SYN3: variants seen among roughly 807,000 people sequenced by gnomAD.
SYN3 encodes synapsin-3.
A neutral mutation model predicts 65.8 loss-of-function variants in SYN3; 35 were observed. That is an observed-to-expected ratio of 0.53 (90% confidence interval 0.41 to 0.70). The LOEUF is 0.70. SYN3 is among the 30% of genes least tolerant of loss of function. The pLI is 0.00. For missense variants in SYN3, 680 were observed against 749.0 expected, an observed-to-expected ratio of 0.91 and a Z score of 1.08; for synonymous variants, 270 against 292.9, an observed-to-expected ratio of 0.92 and a Z score of 0.80.
chr22:32,595,631 T>C (rs2059187999), intron 7 of SYN3, among the ~76,000 whole-genome samples: 1 of 152,162 alleles, frequency 6.6e-6, no homozygotes, highest in African/African-American at 2.4e-5. Context: ...ATGGTTTGCA[T>C]TTGGGTCCCC....
At chr22:32,739,996 C>G (rs963256457) in intron 6 of SYN3, among the ~76,000 whole-genome samples, 6 of 152,190 alleles carry the variant, frequency 3.9e-5, no homozygotes, top group African/African-American at 1.4e-4. Flanking sequence ...GATGCTAAAT[C>G]CCTGGAATTG....
At chr22:32,564,080 G>A (rs978653563) in intron 7 of SYN3, among the ~76,000 whole-genome samples, 7 of 152,224 alleles carry the variant, frequency 4.6e-5, no homozygotes, top group African/African-American at 2.4e-5. Flanking sequence ...GGCAGTGATT[G>A]TTGCAGTTTA....
intron 10 of SYN3, 86 bp from the exon 11 acceptor site, chr22:32,529,094 G>T: frequency 6.4e-7 from 1 of 1,559,212 alleles, no homozygotes; most frequent in Non-Finnish European, 8.8e-7. Flanking sequence ...GGGGCTCAGG[G>T]CTCAGGACAG....
At chr22:32,792,409 A>G (rs1049757103) in intron 6 of SYN3, among the ~76,000 whole-genome samples, 1 of 152,152 alleles carries the variant, frequency 6.6e-6, no homozygotes, top group Non-Finnish European at 1.5e-5. Context: ...TCACACAGCT[A>G]TTTTATGTGG....
At chr22:32,699,061 T>C (rs2060776158) in intron 6 of SYN3, among the ~76,000 whole-genome samples, 1 of 152,218 alleles carries the variant, frequency 6.6e-6, no homozygotes, top group Non-Finnish European at 1.5e-5. Flanking sequence ...ACATTCAGCC[T>C]TGGCGCTAGA....
intron 6 of SYN3, among the ~76,000 whole-genome samples, chr22:32,676,528 C>A (rs28562404): frequency 1.1e-5 from 1 of 88,912 alleles, no homozygotes; most frequent in Non-Finnish European, 2.0e-5. Context: ...TCTTTTCTTT[C>A]TTTTTTTTTT....
chr22:32,770,529 G>A (rs1008846503), intron 6 of SYN3, among the ~76,000 whole-genome samples: 4 of 152,014 alleles, frequency 2.6e-5, no homozygotes, highest in Non-Finnish European at 2.9e-5. Flanking sequence ...CTACCACCTC[G>A]GGGCCTTTGC....
At chr22:32,795,480 G>A (rs1035834626) in intron 6 of SYN3, among the ~76,000 whole-genome samples, 7 of 152,220 alleles carry the variant, frequency 4.6e-5, no homozygotes, top group African/African-American at 1.4e-4. Context: ...TGGACACCTG[G>A]AGTCCGAGGA....
intron 6 of SYN3, among the ~76,000 whole-genome samples, chr22:32,719,348 T>C (rs1053398860): frequency 2.0e-5 from 3 of 152,240 alleles, no homozygotes; most frequent in Admixed American, 6.5e-5. Flanking sequence ...CAGATAAGTA[T>C]CTTACAACCT....
intron 3 of SYN3, among the ~76,000 whole-genome samples, chr22:32,953,185 T>C (rs1452695120): frequency 1.3e-5 from 2 of 152,206 alleles, no homozygotes; most frequent in Non-Finnish European, 2.9e-5. Flanking sequence ...ACAAAGCTAT[T>C]GCACCAGAGA....
At chr22:33,005,439 G>A (rs933702314) in intron 2 of SYN3, among the ~76,000 whole-genome samples, 3 of 152,172 alleles carry the variant, frequency 2.0e-5, no homozygotes, top group Admixed American at 6.5e-5. Flanking sequence ...CCAAACAGCT[G>A]GGATAGACTT....
chr22:32,634,848 C>T (rs55771461), intron 6 of SYN3, among the ~76,000 whole-genome samples: 14,952 of 152,132 alleles, frequency 0.098, 1,668 homozygotes, highest in African/African-American at 0.28. Context: ...TGTGGCCCGC[C>T]GGCCATGTGT....
intron 6 of SYN3, among the ~76,000 whole-genome samples, chr22:32,845,269 T>G (rs1016197645): frequency 3.3e-5 from 5 of 152,024 alleles, no homozygotes; most frequent in African/African-American, 4.8e-5. Context: ...CAATCTCGGC[T>G]CACTGCAACC....
At chr22:32,828,676 C>A (rs1317926771) in intron 6 of SYN3, among the ~76,000 whole-genome samples, 1 of 152,178 alleles carries the variant, frequency 6.6e-6, no homozygotes, top group Non-Finnish European at 1.5e-5. Flanking sequence ...GCAGTTAGAA[C>A]CAAGGTTTCC....
chr22:33,003,005 T>C (rs1601883107), intron 2 of SYN3, among the ~76,000 whole-genome samples: 1 of 152,194 alleles, frequency 6.6e-6, no homozygotes, highest in Non-Finnish European at 1.5e-5. Context: ...GGTTTTATAA[T>C]GTGCTTCCCC....
intron 4 of SYN3, among the ~76,000 whole-genome samples, chr22:32,908,063 G>GTTTTAA: frequency 6.6e-6 from 1 of 151,698 alleles, no homozygotes; most frequent in Non-Finnish European, 1.5e-5. Context: ...ACCCAGACAG[G>GTTTTAA]CACACTCCAA....
chr22:33,040,462 T>C (rs909748649), intron 1 of SYN3, among the ~76,000 whole-genome samples: 4 of 152,196 alleles, frequency 2.6e-5, no homozygotes, highest in African/African-American at 9.7e-5. Context: ...TGCATCCAAT[T>C]AGTTCTCCTT....
chr22:32,736,003 T>C (rs1894453), intron 6 of SYN3, among the ~76,000 whole-genome samples: 75,314 of 152,122 alleles, frequency 0.5, 19,473 homozygotes, highest in African/African-American at 0.66. Flanking sequence ...GAGGGGGCCA[T>C]GCCTGGCAGG....
chr22:32,975,112 C>G (rs183776868), intron 3 of SYN3, among the ~76,000 whole-genome samples: 2 of 152,262 alleles, frequency 1.3e-5, no homozygotes, highest in South Asian at 2.1e-4. Flanking sequence ...TGCGGTGGCT[C>G]ATGCCTGTAA....
Sources: gnomAD v4.1 joint callset for allele counts (sites outside exome capture counted in the v4.1 genomes callset) on GRCh38, gnomAD v4.1.1 for gene constraint, MANE v1.5 for transcripts, NCBI Gene and HGNC (gene_info 2026-07-23, HGNC 2026-07-21) for gene names.